Variants in TMEM50B observed in about 807,000 individuals in gnomAD.
The protein encoded by TMEM50B is HCV p7-trans-regulated protein 3.
A neutral mutation model predicts 23.4 loss-of-function variants in TMEM50B; 14 were observed. The ratio of observed to expected loss-of-function variants is 0.60; its 90% CI spans 0.39 to 0.93. The LOEUF is 0.93. Ranked by LOEUF, TMEM50B falls within the 40% of genes least tolerant of loss-of-function variation. TMEM50B has a pLI of 0.00. For synonymous variants in TMEM50B, 64 were observed against 62.3 expected, an observed-to-expected ratio of 1.03 and a Z score of -0.13; for missense variants, 159 against 193.0, an observed-to-expected ratio of 0.82 and a Z score of 1.04.
chr21:33,436,123 C>T (rs1433308021), intron 8 of TMEM50B, among the ~76,000 whole-genome samples: 6 of 151,182 alleles, frequency 4.0e-5, no homozygotes, highest in East Asian at 1.9e-4. Flanking sequence ...TTTGGGAGGC[C>T]GAGGCGGGCG....
At chr21:33,466,143 C>T (rs2734728) in intron 3 of TMEM50B, among the ~76,000 whole-genome samples, 42,141 of 151,682 alleles carry the variant, frequency 0.28, 6,283 homozygotes, top group East Asian at 0.42. Flanking sequence ...CACCTGTAAT[C>T]CCAGCTACTT....
At chr21:33,469,312 G>T (rs1251381835) in intron 1 of TMEM50B, among the ~76,000 whole-genome samples, 1 of 152,114 alleles carries the variant, frequency 6.6e-6, no homozygotes, top group Non-Finnish European at 1.5e-5. Context: ...TTAACTGGGC[G>T]TGGTGGCACA....
chr21:33,458,756 G>T (rs2084191794), intron 5 of TMEM50B, among the ~76,000 whole-genome samples: 1 of 152,130 alleles, frequency 6.6e-6, no homozygotes, highest in Non-Finnish European at 1.5e-5. Flanking sequence ...ATATCTCAAT[G>T]AAGCTATCTT....
At chr21:33,436,015 C>T (rs1226711213) in intron 8 of TMEM50B, among the ~76,000 whole-genome samples, 1 of 151,620 alleles carries the variant, frequency 6.6e-6, no homozygotes, top group Non-Finnish European at 1.5e-5. Flanking sequence ...GAGCCGAGAT[C>T]GCGCCACTGC....
downstream of TMEM50B, chr21:33,448,868 C>G (rs1046050073): frequency 6.6e-6 from 1 of 150,600 alleles, no homozygotes; most frequent in Admixed American, 6.6e-5. Context: ...GGTTGCACCA[C>G]TGCACTCCAG....
intron 8 of TMEM50B, among the ~76,000 whole-genome samples, chr21:33,434,301 C>A (rs1484525069): frequency 6.6e-6 from 1 of 152,114 alleles, no homozygotes; most frequent in Non-Finnish European, 1.5e-5. Flanking sequence ...GTGGGCAGAT[C>A]ACCTGAGGTC....
chr21:33,466,922 TAAAA>T (rs1324048642), intron 3 of TMEM50B, 84 bp downstream of exon 3: 16 of 988,692 alleles, frequency 1.6e-5, no homozygotes, highest in African/African-American at 3.3e-5. Context: ...TCAAATAAAT[TAAAA>T]AGTTATTCAA....
At position 33,465,548 on chromosome 21, in the gene TMEM50B, A is replaced by C. The variant is rs553794191; in HGVS notation, c.213-139T>G. ...GAATAATTTAACATATTTTTAACCT[A>C]ATAAAAATGCTAGTTGATAGAAATG... On this transcript the variant is annotated intron_variant, in intron 3 of 6. Transcript: ENST00000542230. 17 of 599,784 alleles carry C rather than the reference A, an allele frequency of 2.8e-5. No homozygotes were observed. In the Admixed American group the frequency reaches 4.8e-4, roughly 17 times the overall value. 37.2% of individuals were successfully genotyped at this position (599,784 alleles called of 1,614,324 possible). A position where few individuals can be genotyped will look rare whatever the true frequency, so the allele number is the denominator to read the frequency against.
chr21:33,436,232 G>A (rs1030641250), intron 8 of TMEM50B, among the ~76,000 whole-genome samples: 1 of 151,596 alleles, frequency 6.6e-6, no homozygotes, highest in Non-Finnish European at 1.5e-5. Flanking sequence ...GTGCATGCCT[G>A]TAATCCCAGC....
At position 33,471,042 on chromosome 21, in the gene TMEM50B, A is replaced by G. The variant is rs186597918; in HGVS notation, c.-41-2116T>C. On this transcript the variant is annotated intron_variant, in intron 1 of 6. Coordinates refer to ENST00000542230, the MANE Select transcript of TMEM50B (RefSeq NM_006134.7). ...CACAGTCTTCTTGGCTTGAGATGCCAGAAGATGGGAGTTCAGGACCACCAT... is the reference window on the plus strand; with the variant it reads ...CACAGTCTTCTTGGCTTGAGATGCCGGAAGATGGGAGTTCAGGACCACCAT... 1.5e-3 allele frequency among the ~76,000 whole-genome samples: 224 copies of G among 152,328 alleles called. 2 individuals are homozygous for G. The highest frequency in any genetic ancestry group is 5.2e-3 in the African/African-American group (218 of 41,582).
intron 2 of TMEM50B, among the ~76,000 whole-genome samples, chr21:33,467,781 C>T (rs2084277545): frequency 1.3e-5 from 2 of 152,154 alleles, no homozygotes; most frequent in Admixed American, 1.3e-4. Context: ...ATCGTTAGTT[C>T]TTGCTCTGCT....
intron 5 of TMEM50B, 195 bp downstream of exon 5, chr21:33,460,218 T>A (rs1222359780): frequency 3.9e-6 from 2 of 512,652 alleles, no homozygotes; most frequent in Non-Finnish European, 7.0e-6. Context: ...GTGGCTTGGA[T>A]TTCCTAACCA....
chr21:33,472,434 C>T (rs551221965), intron 1 of TMEM50B, among the ~76,000 whole-genome samples: 1 of 151,884 alleles, frequency 6.6e-6, no homozygotes, highest in Non-Finnish European at 1.5e-5. Flanking sequence ...AGATTAGATA[C>T]AGTAGAAGAA....
exon 9 of TMEM50B, chr21:33,432,540 A>C: frequency 1.2e-6 from 1 of 867,656 alleles, no homozygotes; most frequent in South Asian, 1.4e-5. Context: ...TTATTTCATT[A>C]CAGGATTGAC....
chr21:33,471,640 G>A (rs1458838319), intron 1 of TMEM50B, among the ~76,000 whole-genome samples: 1 of 151,978 alleles, frequency 6.6e-6, no homozygotes, highest in African/African-American at 2.4e-5. Flanking sequence ...TCAGAAGGTC[G>A]AGGCAGGAAG....
At chr21:33,479,749 G>C (rs1011979709) in intron 1 of TMEM50B, 89 bp downstream of exon 1, 2 of 152,614 alleles carry the variant, frequency 1.3e-5, no homozygotes, top group African/African-American at 4.8e-5. Context: ...GGCCGGACAG[G>C]GCCCGACGAG....
intron 7 of TMEM50B, among the ~76,000 whole-genome samples, chr21:33,442,530 A>G (rs950244212): frequency 6.6e-6 from 1 of 152,164 alleles, no homozygotes; most frequent in Non-Finnish European, 1.5e-5. Flanking sequence ...TACAGGCAGC[A>G]CTAGCTTCTC....
exon 8 of TMEM50B, chr21:33,439,269 T>C (rs2083987040): frequency 6.6e-6 from 1 of 152,238 alleles, no homozygotes; most frequent in Admixed American, 6.6e-5. Context: ...GGCAGCAGGA[T>C]GGTGGCCAGC....
intron 1 of TMEM50B, chr21:33,478,691 A>G (rs1210229223): frequency 2.2e-6 from 1 of 454,818 alleles, no homozygotes; most frequent in African/African-American, 2.0e-5. Flanking sequence ...AGCGCGATAA[A>G]TATTCAAGAT....
Sources: allele counts gnomAD v4.1 joint callset (sites outside exome capture counted in the v4.1 genomes callset), GRCh38; gene constraint gnomAD v4.1.1; transcripts MANE v1.5; gene names NCBI Gene and HGNC (gene_info 2026-07-23, HGNC 2026-07-21).